Variants in CTNNA2 observed in about 807,000 individuals in gnomAD.
CTNNA2 encodes catenin alpha-2.
Under a neutral mutation model 101.0 loss-of-function variants are expected in CTNNA2, and 42 were observed. The ratio of observed to expected loss-of-function variants is 0.42; its 90% CI spans 0.32 to 0.54. The LOEUF is 0.54. Ranked by LOEUF, CTNNA2 falls within the 20% of genes least tolerant of loss-of-function variation. The pLI, the probability that CTNNA2 is intolerant of heterozygous loss-of-function variation, is 0.14. For synonymous variants in CTNNA2, 450 were observed against 456.4 expected (o/e 0.99, Z 0.18); for missense variants, 871 against 1,223.1 (o/e 0.71, Z 4.29).
At chr2:79,508,676 C>A (rs1308452781), upstream of CTNNA2, among the ~76,000 whole-genome samples, 2 of 151,826 alleles carry the variant, frequency 1.3e-5, no homozygotes, top group Non-Finnish European at 2.9e-5. Flanking sequence ...TATTTATGGA[C>A]AACAGTGTGC....
chr2:79,214,419 C>G (rs1179883356), intron 2 of CTNNA2, among the ~76,000 whole-genome samples: 1 of 152,128 alleles, frequency 6.6e-6, no homozygotes, highest in African/African-American at 2.4e-5. Context: ...AGATCCTGAA[C>G]TAACCTGTAA....
At position 80,555,819 on chromosome 2, in the gene CTNNA2, C is replaced by A. The variant is rs545265526; in HGVS notation, c.1667C>A (p.Ala556Asp). Residue 556 changes from alanine (A) to aspartate (D), a missense_variant, in exon 12 of 19, where the codon GCT becomes GAT. Around this residue, in one of 5 missense-constraint regions of CTNNA2, gnomAD observed 647 missense variants for 831.5 expected, o/e 0.78. Coordinates refer to ENST00000402739, the MANE Select transcript of CTNNA2 (RefSeq NM_001282597.3). ...RAARVIHIINAEMENYEAGVY... is the reference protein window; with the variant it reads ...RAARVIHIINDEMENYEAGVY... ...GCTCGAGTCATACACATCATCAATG[C>A]TGAGATGGAGAACTATGAAGCTGGG... 2 of 1,597,800 alleles carry A rather than the reference C, an allele frequency of 1.3e-6. No individual in the cohort carries two copies. The highest frequency in any genetic ancestry group is 8.5e-7 in the Non-Finnish European group (1 of 1,172,404).
chr2:79,311,352 T>C (rs1676365784), intron 2 of CTNNA2, among the ~76,000 whole-genome samples: 1 of 134,958 alleles, frequency 7.4e-6, no homozygotes, highest in Admixed American at 9.1e-5. Context: ...GAGCTTGCAG[T>C]GAGCCGAGAC....
chr2:80,215,428 A>G (rs1708200504), intron 7 of CTNNA2, among the ~76,000 whole-genome samples: 1 of 152,098 alleles, frequency 6.6e-6, no homozygotes, highest in Non-Finnish European at 1.5e-5. Context: ...GGCGATGTAC[A>G]GGTGGGGTTT....
intron 7 of CTNNA2, among the ~76,000 whole-genome samples, chr2:79,990,075 A>T (rs1692059322): frequency 6.6e-6 from 1 of 152,168 alleles, no homozygotes; most frequent in African/African-American, 2.4e-5. Context: ...TTAGAGGCTG[A>T]TGTGTCCCTG....
chr2:80,161,174 C>T (rs977662848), intron 7 of CTNNA2, among the ~76,000 whole-genome samples: 4 of 152,108 alleles, frequency 2.6e-5, no homozygotes, highest in Admixed American at 2.0e-4. Context: ...TGCCACCACA[C>T]CCAGCTAATT....
At chr2:79,950,120 T>C (rs1181992833) in intron 7 of CTNNA2, among the ~76,000 whole-genome samples, 1 of 151,348 alleles carries the variant, frequency 6.6e-6, no homozygotes, top group Non-Finnish European at 1.5e-5. Flanking sequence ...CATTATTACT[T>C]AAGATCAATA....
At chr2:79,798,245 A>T (rs1189798686) in intron 3 of CTNNA2, among the ~76,000 whole-genome samples, 1 of 152,210 alleles carries the variant, frequency 6.6e-6, no homozygotes, top group Non-Finnish European at 1.5e-5. Flanking sequence ...TGAAAGCAAG[A>T]TGGTACTAAT....
At chr2:80,605,146 TAA>T (rs1212255541) in intron 16 of CTNNA2, 2 of 152,000 alleles carry the variant, frequency 1.3e-5, no homozygotes, top group Non-Finnish European at 2.9e-5. Flanking sequence ...GGATATACAT[TAA>T]AAGAGTTCTC....
intron 4 of CTNNA2, among the ~76,000 whole-genome samples, chr2:79,387,313 G>A (rs1678116253): frequency 6.6e-6 from 1 of 152,118 alleles, no homozygotes; most frequent in Non-Finnish European, 1.5e-5. Context: ...TGTCTCTCCA[G>A]ATCTTGTTAA....
At chr2:80,256,535 T>C (rs1672166124) in intron 7 of CTNNA2, among the ~76,000 whole-genome samples, 1 of 152,050 alleles carries the variant, frequency 6.6e-6, no homozygotes, top group African/African-American at 2.4e-5. Flanking sequence ...TGTTGCACCA[T>C]CTAGGGAAAA....
intron 7 of CTNNA2, among the ~76,000 whole-genome samples, chr2:80,276,571 A>G (rs1044700429): frequency 5.9e-5 from 9 of 152,164 alleles, no homozygotes; most frequent in Admixed American, 5.9e-4. Context: ...GAAGGCTTCA[A>G]TGTACTTTCA....
chr2:80,394,250 C>T lies in CTNNA2; in HGVS notation c.1137+959C>T, dbSNP rs143632048. Among the ~76,000 whole-genome samples the T allele has an allele frequency of 6.2e-4, 94 of 152,254 alleles. No individual in the cohort carries two copies. In the East Asian group the frequency reaches 0.015, roughly 24 times the overall value. On this transcript the variant is annotated intron_variant, in intron 8 of 18. Transcript: ENST00000402739. ...AAACAAAATTAGCAAGAGGCCTGGG[C>T]GAGAATGGCCAAGCAGCAACTTGGA...
intron 7 of CTNNA2, among the ~76,000 whole-genome samples, chr2:80,024,439 T>C (rs1694803224): frequency 6.6e-6 from 1 of 152,098 alleles, no homozygotes; most frequent in South Asian, 2.1e-4. Flanking sequence ...TAAGGGGGTG[T>C]CAGGCAGAGG....
At chr2:80,218,871 G>C (rs1167084558) in intron 7 of CTNNA2, among the ~76,000 whole-genome samples, 1 of 152,144 alleles carries the variant, frequency 6.6e-6, no homozygotes, top group Non-Finnish European at 1.5e-5. Flanking sequence ...AGAATTATCT[G>C]AGGTATAGGA....
chr2:80,251,510 T>C (rs1332350200), intron 7 of CTNNA2, among the ~76,000 whole-genome samples: 1 of 152,108 alleles, frequency 6.6e-6, no homozygotes, highest in Non-Finnish European at 1.5e-5. Context: ...AAAAGAAGGC[T>C]CTAGCAGGCT....
At position 79,721,242 on chromosome 2, in the gene CTNNA2, A is replaced by G. The variant is rs549030944; in HGVS notation, c.103-23145A>G. 9.9e-5 allele frequency among the ~76,000 whole-genome samples: 15 copies of G among 152,264 alleles called. 1 individual carries two copies. The East Asian group carries it at 2.9e-3, about 29-fold the overall frequency. On this transcript the variant is annotated intron_variant, in intron 2 of 18. Transcript: ENST00000402739. ...ATCACAGACTGGGTAATTTATAAAG[A>G]AAGTAAATGTATTTCTTACACTTCT...
intron 7 of CTNNA2, among the ~76,000 whole-genome samples, chr2:80,178,755 G>A (rs566564320): frequency 6.6e-6 from 1 of 152,286 alleles, no homozygotes; most frequent in East Asian, 1.9e-4. Context: ...TTGGTTGTAG[G>A]AGGGGCCAAA....
chr2:80,005,688 A>G (rs759228607), intron 7 of CTNNA2, among the ~76,000 whole-genome samples: 1 of 152,070 alleles, frequency 6.6e-6, no homozygotes, highest in East Asian at 1.9e-4. Context: ...TTATATTAAT[A>G]GGTCAGCTGC....
Sources: gnomAD v4.1 joint callset for allele counts (sites outside exome capture counted in the v4.1 genomes callset) on GRCh38, gnomAD v4.1.1 for gene constraint, gnomAD v4.1.1 regional missense constraint, MANE v1.5 for transcripts, NCBI Gene and HGNC (gene_info 2026-07-23, HGNC 2026-07-21) for gene names.